MESD: variants seen among roughly 807,000 people sequenced by gnomAD.
MESD encodes the protein LRP chaperone MESD.
Under a neutral mutation model 12.9 loss-of-function variants are expected in MESD, and 7 were observed. The ratio of observed to expected loss-of-function variants is 0.54; its 90% CI spans 0.31 to 1.02. The LOEUF is 1.02. MESD is among the 50% of genes least tolerant of loss of function. The pLI, the probability that MESD is intolerant of heterozygous loss-of-function variation, is 0.05. For synonymous variants in MESD, 126 were observed against 115.6 expected (o/e 1.09, Z -0.58); for missense variants, 342 against 296.7 (o/e 1.15, Z -1.12).
chr15:80,961,040 C>G (rs1241548347), intron 3 of MESD, among the ~76,000 whole-genome samples: 2 of 152,148 alleles, frequency 1.3e-5, no homozygotes, highest in African/African-American at 4.8e-5. Flanking sequence ...GGAGCCCTTT[C>G]GTGGTCCCAG....
At chr15:80,974,620 A>G (rs1361923999), downstream of MESD, among the ~76,000 whole-genome samples, 1 of 151,120 alleles carries the variant, frequency 6.6e-6, no homozygotes, top group Non-Finnish European at 1.5e-5. Context: ...AAAGAAACCC[A>G]AGATACCAAT....
At chr15:80,952,617 C>CGTGTGTGTGTGTGTGTGTGTGTGT (rs113669846) in intron 3 of MESD, among the ~76,000 whole-genome samples, 1 of 149,210 alleles carries the variant, frequency 6.7e-6, no homozygotes, top group African/African-American at 2.5e-5. Context: ...AACTATGTCT[C>CGTGTGTGTGTGTGTGTGTGTGTGT]GTGTGTGTGT....
chr15:80,957,975 T>C (rs1429257029), intron 3 of MESD, among the ~76,000 whole-genome samples: 1 of 148,492 alleles, frequency 6.7e-6, no homozygotes, highest in Non-Finnish European at 1.5e-5. Context: ...ACTCCCAGTA[T>C]CATATTTGAC....
intron 3 of MESD, among the ~76,000 whole-genome samples, chr15:80,955,663 C>T (rs377429427): frequency 2.9e-4 from 43 of 149,854 alleles, no homozygotes; most frequent in African/African-American, 9.6e-4. Context: ...CTCTTTAGCC[C>T]AGGCTGGAGT....
chr15:80,969,886 C>T (rs1181929661), intron 3 of MESD, among the ~76,000 whole-genome samples: 1 of 152,166 alleles, frequency 6.6e-6, no homozygotes, highest in Non-Finnish European at 1.5e-5. Flanking sequence ...CTGGCTTTGT[C>T]ACTGCCTTGC....
Position 80,967,939 on chromosome 15 carries a change from G to GC in MESD, c.*288+10991dup, listed in dbSNP as rs551712991. On this transcript the variant is annotated intron_variant, in intron 3 of 4. Transcript: ENST00000561312. ...AGATCTATGGAGAGTTGGCCAAGTG[G>GC]CCCCAACTGCAGGCTCAGGTTTTCC... 1.4e-3 allele frequency among the ~76,000 whole-genome samples: 208 copies of GC among 152,366 alleles called. 1 individual carries two copies. Among genetic ancestry groups the GC allele is most frequent in the African/African-American group, 4.6e-3 (191 of 41,592 alleles).
chr15:80,968,203 T>G (rs1567121655), intron 3 of MESD, among the ~76,000 whole-genome samples: 1 of 151,944 alleles, frequency 6.6e-6, no homozygotes, highest in South Asian at 2.1e-4. Context: ...AGCACCAAGG[T>G]GGTGGGAACG....
chr15:80,964,770 G>A (rs1290728018), intron 3 of MESD, among the ~76,000 whole-genome samples: 1 of 152,154 alleles, frequency 6.6e-6, no homozygotes, highest in Non-Finnish European at 1.5e-5. Flanking sequence ...AGCTGAAACT[G>A]GACCCCTTCC....
chr15:80,954,710 C>T (rs1055622393), intron 3 of MESD, among the ~76,000 whole-genome samples: 1 of 152,250 alleles, frequency 6.6e-6, no homozygotes, highest in African/African-American at 2.4e-5. Flanking sequence ...CAACAACATG[C>T]ATGACTCAGC....
At chr15:80,975,208 CA>C (rs1010133981), downstream of MESD, among the ~76,000 whole-genome samples, 43 of 65,240 alleles carry the variant, frequency 6.6e-4, no homozygotes, top group Non-Finnish European at 7.3e-4. Flanking sequence ...TCCATTTCTC[CA>C]AAAAAAAAAA....
intron 1 of MESD, 116 bp downstream of exon 1, chr15:80,989,463 G>A: frequency 2.5e-6 from 3 of 1,222,504 alleles, no homozygotes; most frequent in East Asian, 2.4e-5. Context: ...AGGATTCAAG[G>A]CATGAGTAGA....
At chr15:80,963,770 A>T (rs1902129187) in intron 3 of MESD, among the ~76,000 whole-genome samples, 1 of 152,224 alleles carries the variant, frequency 6.6e-6, no homozygotes, top group Non-Finnish European at 1.5e-5. Context: ...CCTTCGAGAA[A>T]ATTCACCAGC....
At chr15:80,958,800 G>T (rs1191595570) in intron 3 of MESD, among the ~76,000 whole-genome samples, 1 of 152,186 alleles carries the variant, frequency 6.6e-6, no homozygotes, top group Non-Finnish European at 1.5e-5. Flanking sequence ...TCTTTTCAAG[G>T]TCCTTGATGT....
In MESD at chr15:80,980,497, T is replaced by C. The variant is rs114304566; in HGVS notation, c.447-1020A>G. On this transcript the variant is annotated intron_variant, in intron 2 of 2. Transcript: ENST00000261758. ...TAGCTACACACAAAGCACTTTCCAC[T>C]GAGCAGAAACTTCTAGCTGAAGCTG... Among the ~76,000 whole-genome samples the C allele has an allele frequency of 8.1e-3, 1,235 of 152,342 alleles. 19 individuals carry two copies. The highest frequency in any genetic ancestry group is 0.028 in the African/African-American group (1,175 of 41,576).
At chr15:80,972,362 T>C (rs984092818), downstream of MESD, among the ~76,000 whole-genome samples, 1 of 152,226 alleles carries the variant, frequency 6.6e-6, no homozygotes, top group Admixed American at 6.5e-5. Flanking sequence ...GCCTCAGCTA[T>C]CAAATCATCC....
intron 3 of MESD, among the ~76,000 whole-genome samples, chr15:80,969,190 A>C (rs1164682205): frequency 2.0e-5 from 3 of 152,086 alleles, no homozygotes; most frequent in Non-Finnish European, 4.4e-5. Context: ...ACCCTAACTG[A>C]AAATAAAATG....
exon 5 of MESD, chr15:80,948,591 C>T: frequency 1.5e-6 from 1 of 665,342 alleles, no homozygotes; most frequent in South Asian, 1.7e-5. Context: ...CAGTGAGGCT[C>T]AGGTGAGACC....
At chr15:80,970,160 C>A (rs1383169917) in intron 3 of MESD, among the ~76,000 whole-genome samples, 1 of 152,124 alleles carries the variant, frequency 6.6e-6, no homozygotes. Context: ...GAATTCTCAC[C>A]GAAGGATCAG....
At chr15:80,988,506 G>A (rs1321776786) in intron 1 of MESD, among the ~76,000 whole-genome samples, 1 of 152,226 alleles carries the variant, frequency 6.6e-6, no homozygotes, top group African/African-American at 2.4e-5. Flanking sequence ...CAAGGAGATT[G>A]CAAGGGAGAC....
Sources: allele counts gnomAD v4.1 joint callset (sites outside exome capture counted in the v4.1 genomes callset), GRCh38; gene constraint gnomAD v4.1.1; transcripts MANE v1.5; gene names NCBI Gene and HGNC (gene_info 2026-07-23, HGNC 2026-07-21).